CPLX1: variants seen among roughly 807,000 people sequenced by gnomAD.
CPLX1 encodes the protein complexin-1.
A neutral mutation model predicts 15.6 loss-of-function variants in CPLX1; 6 were observed. The observed-to-expected ratio is 0.39, with a 90% CI of 0.21 to 0.76. CPLX1 has a LOEUF of 0.76. Among genes scored for constraint, CPLX1 ranks in the 30% least tolerant of loss-of-function variants. The pLI, the probability that CPLX1 is intolerant of heterozygous loss-of-function variation, is 0.43. For synonymous variants in CPLX1, 91 were observed against 75.2 expected (o/e 1.21, Z -1.08); for missense variants, 242 against 188.6 (o/e 1.28, Z -1.66).
At chr4:787,568 C>T (rs182559848) in intron 3 of CPLX1, 10 of 677,760 alleles carry the variant, frequency 1.5e-5, no homozygotes, top group South Asian at 6.7e-5. Flanking sequence ...CGGATGGGGG[C>T]GGGCATACGA....
At chr4:808,056 A>C (rs1230909147) in intron 2 of CPLX1, among the ~76,000 whole-genome samples, 1 of 152,086 alleles carries the variant, frequency 6.6e-6, no homozygotes, top group Non-Finnish European at 1.5e-5. Context: ...GCTTGAGCCC[A>C]GGAGCTCAAG....
rs1233130519 is a variant in CPLX1 at position 788,333 on chromosome 4, T to G, written c.208-1635A>C. On this transcript the variant is annotated intron_variant, in intron 3 of 3. Coordinates refer to ENST00000304062, the MANE Select transcript of CPLX1 (RefSeq NM_006651.4). ...CCCCTCCCCTAGGGCTGCAGGTGGCTCTGGGTGTGGGGGGCCAGGGCCACC... is the reference window on the plus strand; with the variant it reads ...CCCCTCCCCTAGGGCTGCAGGTGGCGCTGGGTGTGGGGGGCCAGGGCCACC... The G allele has an allele frequency of 5.1e-6, 5 of 985,220 alleles. No individual in the cohort carries two copies. The African/African-American group carries it at 8.7e-5, about 17-fold the overall frequency. The allele number at this position is 985,220 out of a possible 1,614,324, so 61.0% of individuals were successfully genotyped here.
intron 2 of CPLX1, among the ~76,000 whole-genome samples, chr4:816,856 CG>C (rs1250882136): frequency 2.6e-5 from 4 of 151,964 alleles, no homozygotes; most frequent in Non-Finnish European, 4.4e-5. Context: ...GGAGAGGAGT[CG>C]GAAGAGTATA....
At chr4:825,343 C>T (rs745310811) in intron 1 of CPLX1, among the ~76,000 whole-genome samples, 21 of 152,322 alleles carry the variant, frequency 1.4e-4, no homozygotes, top group Non-Finnish European at 1.5e-5. Flanking sequence ...TGGAGAGACA[C>T]TGTTTGACGG....
chr4:815,159 C>T (rs28622388), intron 2 of CPLX1, among the ~76,000 whole-genome samples: 3 of 152,052 alleles, frequency 2.0e-5, no homozygotes, highest in Non-Finnish European at 2.9e-5. Context: ...GCCTGTAATC[C>T]CAGCACTTTG....
At chr4:819,797 C>G (rs1003008142) in intron 2 of CPLX1, among the ~76,000 whole-genome samples, 1 of 152,224 alleles carries the variant, frequency 6.6e-6, no homozygotes, top group Non-Finnish European at 1.5e-5. Context: ...AGGGGTTGCC[C>G]CTTAGCTCCT....
intron 2 of CPLX1, among the ~76,000 whole-genome samples, chr4:797,129 A>C (rs534129271): frequency 6.6e-6 from 1 of 152,358 alleles, no homozygotes; most frequent in African/African-American, 2.4e-5. Flanking sequence ...TGAATCCCAA[A>C]TAAATGTAGG....
intron 2 of CPLX1, among the ~76,000 whole-genome samples, chr4:793,860 A>G (rs770711274): frequency 2.6e-5 from 4 of 152,174 alleles, no homozygotes; most frequent in Non-Finnish European, 5.9e-5. Flanking sequence ...CGACCAGCTG[A>G]GCCCATGCCT....
intron 2 of CPLX1, among the ~76,000 whole-genome samples, chr4:809,243 G>A (rs1037117894): frequency 2.6e-5 from 4 of 152,222 alleles, no homozygotes; most frequent in Admixed American, 6.5e-5. Flanking sequence ...CCACGTCCTC[G>A]CCTATAGACA....
In CPLX1 at chr4:792,419, G is replaced by C; in HGVS notation, c.207+14C>G. 1 of 1,522,734 alleles carries C rather than the reference G, an allele frequency of 6.6e-7. No individual in the cohort carries two copies. Among genetic ancestry groups the C allele is most frequent in the Non-Finnish European group, 8.8e-7 (1 of 1,136,496 alleles). 94.3% of individuals were successfully genotyped at this position (1,522,734 alleles called of 1,614,324 possible). ...GGGCCGCCTTCCCGCAGGCGGGGCC[G>C]GCCCGGCGCGCACCTTGTCTCGGAT... On this transcript the variant is annotated intron_variant, in intron 3 of 3. Coordinates refer to ENST00000304062, the MANE Select transcript of CPLX1 (RefSeq NM_006651.4).
chr4:787,464 C>A, intron 3 of CPLX1: 1 of 882,498 alleles, frequency 1.1e-6, no homozygotes, highest in South Asian at 5.2e-5. Flanking sequence ...TTGTTGATCT[C>A]ATAATGGTAA....
chr4:799,322 C>T (rs570151207), intron 2 of CPLX1, among the ~76,000 whole-genome samples: 3 of 152,354 alleles, frequency 2.0e-5, no homozygotes, highest in Admixed American at 1.3e-4. Context: ...ATGCTTCTTC[C>T]ACCATGCCTA....
intron 2 of CPLX1, among the ~76,000 whole-genome samples, chr4:794,398 A>T (rs754618338): frequency 1.3e-5 from 2 of 152,230 alleles, no homozygotes; most frequent in Non-Finnish European, 2.9e-5. Flanking sequence ...CTTGGCTGAT[A>T]GCACAGATCT....
intron 2 of CPLX1, among the ~76,000 whole-genome samples, chr4:823,659 C>T (rs1454876435): frequency 2.0e-5 from 3 of 152,226 alleles, no homozygotes; most frequent in Admixed American, 6.5e-5. Context: ...AGACTCGCCA[C>T]GACAGCCCCG....
chr4:795,790 C>T (rs1405781901), intron 2 of CPLX1, among the ~76,000 whole-genome samples: 1 of 113,238 alleles, frequency 8.8e-6, no homozygotes. Context: ...CGCCCCAAAC[C>T]GGGTGGAGAG....
chr4:792,716 C>T (rs1183349100), intron 2 of CPLX1, 108 bp from the exon 3 acceptor site: 3 of 1,248,636 alleles, frequency 2.4e-6, no homozygotes, highest in Non-Finnish European at 2.2e-6. Flanking sequence ...AACCCTCCAT[C>T]CACTCGACCC....
chr4:797,259 C>A (rs1467877199), intron 2 of CPLX1, among the ~76,000 whole-genome samples: 1 of 152,340 alleles, frequency 6.6e-6, no homozygotes. Context: ...TGCCAGTCTG[C>A]TAACAGAAAG....
chr4:815,812 C>A (rs1261797299), intron 2 of CPLX1, among the ~76,000 whole-genome samples: 2 of 152,208 alleles, frequency 1.3e-5, no homozygotes, highest in Non-Finnish European at 2.9e-5. Flanking sequence ...TCTGCCCAGG[C>A]TCTTGTTACA....
chr4:809,676 G>C (rs141073886), intron 2 of CPLX1, among the ~76,000 whole-genome samples: 1 of 152,202 alleles, frequency 6.6e-6, no homozygotes, highest in Admixed American at 6.5e-5. Context: ...TTTGACGCAT[G>C]TATATGTGTA....
Sources: allele counts gnomAD v4.1 joint callset (sites outside exome capture counted in the v4.1 genomes callset), GRCh38; gene constraint gnomAD v4.1.1; transcripts MANE v1.5; gene names NCBI Gene and HGNC (gene_info 2026-07-23, HGNC 2026-07-21).